The following TEX11 variants were observed in gnomAD, a reference collection of about 807,000 sequenced individuals.
TEX11 encodes testis expressed 11.
TEX11 carries 7 observed loss-of-function variants against 84.4 expected under a neutral mutation model. That is an observed-to-expected ratio of 0.08 (90% CI 0.05 to 0.16). The LOEUF (loss-of-function observed/expected upper bound fraction) is 0.16, where lower values mean the gene tolerates loss of function less well. TEX11 is among the 10% of genes least tolerant of loss of function. The probability of loss-of-function intolerance (pLI) is 1.00; values close to 1 mark genes in which losing one functional copy is unlikely to be tolerated. For missense variants in TEX11, 551 were observed against 660.5 expected, an observed-to-expected ratio of 0.83 and a Z score of 1.82; for synonymous variants, 264 against 222.8, an observed-to-expected ratio of 1.18 and a Z score of -1.64.
chrX:70,516,601 C>T, the TEX11 span, among the ~76,000 whole-genome samples: 6 of 111,544 alleles, frequency 5.4e-5, no homozygotes, highest in African/African-American at 1.3e-4. Context: ...CTTAGCAATG[C>T]GGGCTCTTTT....
At chrX:70,663,579 T>A (rs1432928960) in intron 16 of TEX11, among the ~76,000 whole-genome samples, 2 of 111,526 alleles carry the variant, frequency 1.8e-5, no homozygotes, top group Non-Finnish European at 3.8e-5. Flanking sequence ...GGTTTGTCAA[T>A]ATCCTCCTTT....
chrX:70,663,485 T>G (rs1356060112), intron 16 of TEX11, among the ~76,000 whole-genome samples: 1 of 111,503 alleles, frequency 9.0e-6, no homozygotes, highest in Non-Finnish European at 1.9e-5. Flanking sequence ...TTCCCAAGTT[T>G]AACATCCACA....
intron 7 of TEX11, among the ~76,000 whole-genome samples, chrX:70,844,965 C>G (rs917918752): frequency 9.0e-6 from 1 of 110,871 alleles, no homozygotes; most frequent in Non-Finnish European, 1.9e-5. Context: ...TTAGAAGCTA[C>G]CAAGCTCATG....
intron 20 of TEX11, among the ~76,000 whole-genome samples, chrX:70,617,813 C>T (rs2089336707): frequency 9.0e-6 from 1 of 111,616 alleles, no homozygotes; most frequent in African/African-American, 3.3e-5. Context: ...GTGGTTTATA[C>T]ATACATGATC....
intron 28 of TEX11, among the ~76,000 whole-genome samples, chrX:70,534,589 G>A (rs953086785): frequency 2.1e-4 from 24 of 111,649 alleles, no homozygotes; most frequent in Non-Finnish European, 3.6e-4. Context: ...TGAGGTGTTT[G>A]CTCTGATGGT....
intron 9 of TEX11, among the ~76,000 whole-genome samples, chrX:70,788,965 TATATATATAGAGAG>T (rs1439668748): frequency 1.3e-3 from 53 of 39,987 alleles, no homozygotes; most frequent in African/African-American, 5.9e-3. Flanking sequence ...TATATATATA[TATATATATAGAGAG>T]AGAGAGAGAG....
At chrX:70,599,156 T>C (rs988170106) in intron 24 of TEX11, among the ~76,000 whole-genome samples, 4 of 111,294 alleles carry the variant, frequency 3.6e-5, no homozygotes, top group Non-Finnish European at 5.7e-5. Flanking sequence ...CCTAGCCATA[T>C]ACAAATAAAA....
At chrX:70,844,879 G>A (rs914059511) in intron 7 of TEX11, among the ~76,000 whole-genome samples, 2 of 109,921 alleles carry the variant, frequency 1.8e-5, no homozygotes, top group African/African-American at 6.6e-5. Context: ...AGGCTGCAGT[G>A]AGCTGAGACT....
chrX:70,526,484 G>T (rs758057194), downstream of TEX11, among the ~76,000 whole-genome samples: 14 of 108,718 alleles, frequency 1.3e-4, no homozygotes, highest in East Asian at 4.1e-3. Flanking sequence ...CAGGAGAATC[G>T]CTTGAACCCG....
rs377037873 is a variant in TEX11, at chrX:70,560,001, C to T, written c.2141-5201G>A. 7.9e-4 allele frequency among the ~76,000 whole-genome samples: 43 copies of T among 54,308 alleles called. 2 individuals carry two copies. The highest frequency in any genetic ancestry group is 7.2e-3 in the Admixed American group (27 of 3,776). The allele number at this position is 54,308 out of a possible 115,157, so 47.2% of individuals were successfully genotyped here. A position where few individuals can be genotyped will look rare whatever the true frequency, so the allele number is the denominator to read the frequency against. On this transcript the variant is annotated intron_variant, in intron 25 of 29. Transcript: ENST00000374333. ...GTGCCAGAACTCCAGTTGCTTCCCA[C>T]CCTCATTAACACTTGATTTTTTTTT...
Position 70,725,280 on chromosome X carries a change from T to G in TEX11, c.907A>C (p.Asn303His). The change falls in exon 12 of 30, where the codon AAT becomes CAT. Residue 303 changes from asparagine (N) to histidine (H), a missense_variant. By Grantham distance (68) the Asn-to-His change is moderately conservative. Transcript: ENST00000374333. ...ATCATACCTTCAAGGAGTTCTTCATTAGATGTTTCGCCTTTCAAGAGGATT... is the reference window on the plus strand; with the variant it reads ...ATCATACCTTCAAGGAGTTCTTCATGAGATGTTTCGCCTTTCAAGAGGATT... ...MKILLKGETS[N>H]EELLEAVMEI... The G allele has an allele frequency of 8.3e-7, 1 of 1,197,812 alleles. No homozygotes were observed. Among genetic ancestry groups the G allele is most frequent in the African/African-American group, 1.7e-5 (1 of 57,643 alleles).
intron 16 of TEX11, among the ~76,000 whole-genome samples, chrX:70,667,936 A>T (rs1411531476): frequency 9.9e-5 from 11 of 110,977 alleles, no homozygotes; most frequent in Non-Finnish European, 1.3e-4. Context: ...TCAAAAAAAA[A>T]AAATAAAAAA....
chrX:70,595,781 C>T (rs768852076), intron 24 of TEX11, among the ~76,000 whole-genome samples: 1 of 111,235 alleles, frequency 9.0e-6, no homozygotes, highest in South Asian at 3.8e-4. Flanking sequence ...GTAAATTCAA[C>T]CATAAAAATA....
chrX:70,731,484 C>A (rs1286110636), intron 11 of TEX11, among the ~76,000 whole-genome samples: 1 of 111,344 alleles, frequency 9.0e-6, no homozygotes, highest in East Asian at 2.8e-4. Flanking sequence ...CACCACTGAT[C>A]CCACAGAAAT....
At chrX:70,645,076 A>G (rs1266194336) in intron 17 of TEX11, among the ~76,000 whole-genome samples, 2 of 110,620 alleles carry the variant, frequency 1.8e-5, no homozygotes, top group Non-Finnish European at 3.8e-5. Context: ...CTAGACATAT[A>G]AAACCGAGAT....
At chrX:70,797,535 A>G (rs777678112) in intron 9 of TEX11, among the ~76,000 whole-genome samples, 1 of 110,055 alleles carries the variant, frequency 9.1e-6, no homozygotes, top group Non-Finnish European at 1.9e-5. Flanking sequence ...CACTCATTCT[A>G]TGAGGCCAGC....
chrX:70,693,031 A>G (rs746607192), intron 13 of TEX11, among the ~76,000 whole-genome samples: 1 of 111,736 alleles, frequency 8.9e-6, no homozygotes, highest in East Asian at 2.8e-4. Flanking sequence ...ACCTGAGGTC[A>G]GGAGTTCAAG....
intron 24 of TEX11, among the ~76,000 whole-genome samples, chrX:70,594,542 T>C (rs967167362): frequency 2.9e-4 from 32 of 111,300 alleles, no homozygotes; most frequent in Non-Finnish European, 1.3e-4. Context: ...GCCTCTGATA[T>C]ATAGAAATGA....
chrX:70,528,483 ATT>A (rs141611218), downstream of TEX11, among the ~76,000 whole-genome samples: 9 of 96,017 alleles, frequency 9.4e-5, no homozygotes, highest in African/African-American at 3.0e-4. Context: ...ATGCCTGGCT[ATT>A]TTTTTTTTTT....
Sources: allele counts gnomAD v4.1 joint callset (sites outside exome capture counted in the v4.1 genomes callset), GRCh38; gene constraint gnomAD v4.1.1; transcripts MANE v1.5; gene names NCBI Gene and HGNC (gene_info 2026-07-23, HGNC 2026-07-21).